HS3ST4: variants seen among roughly 807,000 people sequenced by gnomAD.
HS3ST4 encodes the protein heparan sulfate glucosamine 3-O-sulfotransferase 4.
A neutral mutation model predicts 29.2 loss-of-function variants in HS3ST4; 17 were observed. That is an observed-to-expected ratio of 0.58 (90% CI 0.40 to 0.87). The LOEUF is 0.87. Among genes scored for constraint, HS3ST4 ranks in the 40% least tolerant of loss-of-function variants. The pLI, the probability that HS3ST4 is intolerant of heterozygous loss-of-function variation, is 0.00. For synonymous variants in HS3ST4, 314 were observed against 285.7 expected (o/e 1.10, Z -1.00); for missense variants, 627 against 634.5 (o/e 0.99, Z 0.13).
chr16:25,903,342 T>TTATATACATATGTATATGTATATAC (rs1968140364), intron 1 of HS3ST4, among the ~76,000 whole-genome samples: 1 of 141,762 alleles, frequency 7.1e-6, no homozygotes, highest in Admixed American at 7.4e-5. Context: ...TATGTATATA[T>TTATATACATATGTATATGTATATAC]TATATATATG....
chr16:26,034,507 G>A (rs1443312915), intron 1 of HS3ST4, among the ~76,000 whole-genome samples: 1 of 152,100 alleles, frequency 6.6e-6, no homozygotes, highest in African/African-American at 2.4e-5. Context: ...TCTCTTTCCA[G>A]ACCTCTTGAG....
chr16:25,709,229 C>G (rs1966399459), intron 1 of HS3ST4, among the ~76,000 whole-genome samples: 1 of 152,106 alleles, frequency 6.6e-6, no homozygotes, highest in Non-Finnish European at 1.5e-5. Context: ...GCCTGATTCT[C>G]TTTCCCCAAG....
chr16:25,723,851 C>G (rs1433397065), intron 1 of HS3ST4, among the ~76,000 whole-genome samples: 1 of 152,132 alleles, frequency 6.6e-6, no homozygotes, highest in Admixed American at 6.5e-5. Context: ...CAGTGGCTCA[C>G]GCCTGTAATC....
At chr16:25,842,071 C>T (rs1967419369) in intron 1 of HS3ST4, among the ~76,000 whole-genome samples, 1 of 152,228 alleles carries the variant, frequency 6.6e-6, no homozygotes, top group African/African-American at 2.4e-5. Flanking sequence ...ACATGCAAGT[C>T]AATGGCTCCT....
chr16:26,115,237 A>G (rs7196137), intron 1 of HS3ST4, among the ~76,000 whole-genome samples: 3 of 150,390 alleles, frequency 2.0e-5, no homozygotes, highest in African/African-American at 7.4e-5. Context: ...ATATGTGTGT[A>G]TGTGTGTGTA....
intron 1 of HS3ST4, among the ~76,000 whole-genome samples, chr16:25,759,719 G>A (rs1966777915): frequency 6.6e-6 from 1 of 152,112 alleles, no homozygotes; most frequent in Non-Finnish European, 1.5e-5. Context: ...GAGGCCAGGA[G>A]TTTGAGACCA....
At chr16:25,972,648 A>G (rs1485191001) in intron 1 of HS3ST4, among the ~76,000 whole-genome samples, 2 of 152,212 alleles carry the variant, frequency 1.3e-5, no homozygotes, top group East Asian at 3.9e-4. Context: ...CAGAAGGCCC[A>G]GGCTTTTGTT....
chr16:25,845,368 G>A (rs1458831096), intron 1 of HS3ST4, among the ~76,000 whole-genome samples: 2 of 152,020 alleles, frequency 1.3e-5, no homozygotes, highest in Admixed American at 1.3e-4. Flanking sequence ...AATTATCTGG[G>A]CATGGTGATG....
chr16:25,741,442 C>G (rs1185094563), intron 1 of HS3ST4, among the ~76,000 whole-genome samples: 1 of 140,456 alleles, frequency 7.1e-6, no homozygotes, highest in African/African-American at 2.6e-5. Context: ...TTATACATAA[C>G]TGTACAAAGT....
At chr16:26,088,178 A>G (rs1379701722) in intron 1 of HS3ST4, among the ~76,000 whole-genome samples, 3 of 152,082 alleles carry the variant, frequency 2.0e-5, no homozygotes, top group Non-Finnish European at 1.5e-5. Flanking sequence ...CTGTTTGTGT[A>G]TTGTATTCTC....
intron 1 of HS3ST4, among the ~76,000 whole-genome samples, chr16:26,035,994 C>G (rs1329008295): frequency 6.6e-6 from 1 of 152,176 alleles, no homozygotes; most frequent in Non-Finnish European, 1.5e-5. Context: ...TAGGTAAAGA[C>G]AGCAGGTGTT....
At chr16:25,992,520 T>C (rs1032209983) in intron 1 of HS3ST4, among the ~76,000 whole-genome samples, 3 of 152,224 alleles carry the variant, frequency 2.0e-5, no homozygotes, top group Admixed American at 6.5e-5. Flanking sequence ...TCAGACTCTT[T>C]GTACTGAAAC....
At chr16:25,820,044 A>G (rs868104309) in intron 1 of HS3ST4, among the ~76,000 whole-genome samples, 18 of 144,758 alleles carry the variant, frequency 1.2e-4, no homozygotes, top group African/African-American at 4.0e-4. Flanking sequence ...AAAAAAAAAA[A>G]AAAAAGAAAA....
intron 1 of HS3ST4, among the ~76,000 whole-genome samples, chr16:25,837,959 G>A (rs1014316829): frequency 6.6e-6 from 1 of 152,068 alleles, no homozygotes; most frequent in African/African-American, 2.4e-5. Context: ...CTTGTAGTCC[G>A]CAGTGTCTAC....
intron 1 of HS3ST4, among the ~76,000 whole-genome samples, chr16:25,775,145 T>C (rs1966846438): frequency 6.6e-6 from 1 of 152,220 alleles, no homozygotes; most frequent in South Asian, 2.1e-4. Flanking sequence ...CATTCTGTTA[T>C]TCTATGAAGA....
At chr16:25,886,321 C>A (rs911357569) in intron 1 of HS3ST4, among the ~76,000 whole-genome samples, 40 of 152,122 alleles carry the variant, frequency 2.6e-4, no homozygotes, top group African/African-American at 9.7e-4. Context: ...TAGTGAGCCA[C>A]CATGTCCAGC....
intron 1 of HS3ST4, among the ~76,000 whole-genome samples, chr16:25,777,796 G>A (rs890871973): frequency 2.0e-5 from 3 of 151,830 alleles, no homozygotes; most frequent in Non-Finnish European, 4.4e-5. Flanking sequence ...AATCGAAACA[G>A]CAAAAAAAGA....
At chr16:25,848,179 C>T (rs943325240) in intron 1 of HS3ST4, among the ~76,000 whole-genome samples, 2 of 152,070 alleles carry the variant, frequency 1.3e-5, no homozygotes, top group African/African-American at 2.4e-5. Context: ...TGCTCTGCTG[C>T]CTAGGCTGGA....
At chr16:25,714,478 C>G (rs758845305) in intron 1 of HS3ST4, among the ~76,000 whole-genome samples, 1 of 152,156 alleles carries the variant, frequency 6.6e-6, no homozygotes, top group Non-Finnish European at 1.5e-5. Flanking sequence ...GTGTTTAATC[C>G]TCACAAAGAT....
Sources: allele counts gnomAD v4.1 joint callset (sites outside exome capture counted in the v4.1 genomes callset), GRCh38; gene constraint gnomAD v4.1.1; transcripts MANE v1.5; gene names NCBI Gene and HGNC (gene_info 2026-07-23, HGNC 2026-07-21).